Variants in PHAF1 observed in about 807,000 individuals in gnomAD.
PHAF1 encodes the protein phagophore assembly factor 1, also known as phagosome assembly factor 1.
PHAF1 carries 23 observed loss-of-function variants against 63.1 expected under a neutral mutation model. That is an observed-to-expected ratio of 0.36 (90% CI 0.26 to 0.52). The LOEUF is 0.52. PHAF1 is among the 20% of genes least tolerant of loss of function. PHAF1 has a pLI of 0.93. For synonymous variants in PHAF1, 167 were observed against 185.0 expected, an observed-to-expected ratio of 0.90 and a Z score of 0.79; for missense variants, 427 against 517.2, an observed-to-expected ratio of 0.83 and a Z score of 1.69.
intron 8 of PHAF1, among the ~76,000 whole-genome samples, chr16:67,139,426 G>T (rs1963723124): frequency 7.4e-6 from 1 of 134,834 alleles, no homozygotes; most frequent in Non-Finnish European, 1.5e-5. Context: ...TTGGCTCACT[G>T]CAACCTCTGC....
intron 1 of PHAF1, among the ~76,000 whole-genome samples, chr16:67,114,220 CA>C (rs1597180778): frequency 6.6e-6 from 1 of 151,820 alleles, no homozygotes; most frequent in African/African-American, 2.4e-5. Flanking sequence ...TGAAAATAAA[CA>C]GTGCACAGTG....
At chr16:67,119,004 G>A (rs151167182) in intron 1 of PHAF1, among the ~76,000 whole-genome samples, 21 of 151,880 alleles carry the variant, frequency 1.4e-4, no homozygotes, top group Admixed American at 3.9e-4. Flanking sequence ...TTAAATTCCT[G>A]GCCTCAGGCG....
chr16:67,141,355 G>C (rs997050993), intron 10 of PHAF1, among the ~76,000 whole-genome samples: 1 of 152,200 alleles, frequency 6.6e-6, no homozygotes, highest in Non-Finnish European at 1.5e-5. Flanking sequence ...AGGGAACAGT[G>C]CTGTTGCAGC....
At chr16:67,137,297 C>CT (rs1419141562) in intron 8 of PHAF1, among the ~76,000 whole-genome samples, 7 of 152,242 alleles carry the variant, frequency 4.6e-5, no homozygotes, top group African/African-American at 1.7e-4. Flanking sequence ...GAGTGTCATG[C>CT]TTAAGCTATG....
In PHAF1 at chr16:67,134,165, C is replaced by T; in HGVS notation, c.451-3C>T. On this transcript the variant is annotated splice_region_variant and splice_polypyrimidine_tract_variant and intron_variant, in intron 6 of 15. Coordinates refer to ENST00000219139, the MANE Select transcript of PHAF1 (RefSeq NM_025187.5). Reference sequence around the variant, plus strand: ...AAGTAAAACTCTTGACCTTTGTTTGCAGCCCAATTTTGCCCATGGCCTGGC... The same window carrying T: ...AAGTAAAACTCTTGACCTTTGTTTGTAGCCCAATTTTGCCCATGGCCTGGC... 2.5e-6 allele frequency: 4 copies of T among 1,612,746 alleles called. No individual in the cohort carries two copies. Among genetic ancestry groups the T allele is most frequent in the Non-Finnish European group, 3.4e-6 (4 of 1,178,986 alleles).
At chr16:67,127,620 C>G (rs1238218465) in intron 3 of PHAF1, among the ~76,000 whole-genome samples, 2 of 152,074 alleles carry the variant, frequency 1.3e-5, no homozygotes, top group African/African-American at 4.8e-5. Context: ...CACGGTGAAA[C>G]CCCGTCTCTA....
chr16:67,118,716 C>T (rs1160572422), intron 1 of PHAF1, among the ~76,000 whole-genome samples: 1 of 148,894 alleles, frequency 6.7e-6, no homozygotes, highest in African/African-American at 2.5e-5. Flanking sequence ...CAGTGAAATC[C>T]TTGGTAAAAT....
At chr16:67,140,885 T>G (rs1387437995) in intron 10 of PHAF1, among the ~76,000 whole-genome samples, 1 of 152,220 alleles carries the variant, frequency 6.6e-6, no homozygotes, top group Non-Finnish European at 1.5e-5. Flanking sequence ...TTAAGCTGTT[T>G]GGAGAGCTGC....
intron 1 of PHAF1, among the ~76,000 whole-genome samples, chr16:67,118,766 C>CTTTTT (rs910658530): frequency 1.6e-4 from 16 of 99,996 alleles, no homozygotes; most frequent in African/African-American, 6.8e-4. Flanking sequence ...TGATCTTAAA[C>CTTTTT]TTTTTTTTTT....
intron 10 of PHAF1, among the ~76,000 whole-genome samples, chr16:67,141,716 G>A (rs999064355): frequency 1.3e-5 from 2 of 152,208 alleles, no homozygotes; most frequent in African/African-American, 4.8e-5. Flanking sequence ...GCTAGATCAC[G>A]TGTACCGCAA....
At chr16:67,137,116 C>G (rs1321492709) in intron 8 of PHAF1, among the ~76,000 whole-genome samples, 2 of 151,900 alleles carry the variant, frequency 1.3e-5, no homozygotes, top group East Asian at 1.9e-4. Flanking sequence ...GATAGCGCCA[C>G]CGCGCTCCAG....
At chr16:67,125,784 C>T (rs1963164950) in intron 2 of PHAF1, among the ~76,000 whole-genome samples, 175 bp from the exon 3 acceptor site, 1 of 152,194 alleles carries the variant, frequency 6.6e-6, no homozygotes, top group African/African-American at 2.4e-5. Context: ...AAGTAAAAAA[C>T]ACCATATGTT....
chr16:67,120,027 C>A, intron 1 of PHAF1, 85 bp from the exon 2 acceptor site: 2 of 1,141,632 alleles, frequency 1.8e-6, no homozygotes, highest in Non-Finnish European at 2.6e-6. Flanking sequence ...CCAGGCTTTA[C>A]TGCAGGGACC....
chr16:67,139,103 G>A (rs1963708127), intron 8 of PHAF1, among the ~76,000 whole-genome samples: 1 of 151,790 alleles, frequency 6.6e-6, no homozygotes, highest in African/African-American at 2.4e-5. Context: ...ATTATATTTT[G>A]TAGAGCCAGG....
At chr16:67,119,911 C>T (rs1461977023) in intron 1 of PHAF1, among the ~76,000 whole-genome samples, 2 of 152,100 alleles carry the variant, frequency 1.3e-5, no homozygotes, top group East Asian at 3.8e-4. Context: ...GTGCACCGTC[C>T]AAGTATTCTC....
At chr16:67,129,497 G>GT (rs2145854793) in intron 3 of PHAF1, among the ~76,000 whole-genome samples, 1 of 152,340 alleles carries the variant, frequency 6.6e-6, no homozygotes, top group South Asian at 2.1e-4. Flanking sequence ...TAGGGATAGG[G>GT]TCTCTGGCCA....
chr16:67,145,657 C>T (rs2029992546), intron 14 of PHAF1, 29 bp downstream of exon 14: 1 of 1,598,508 alleles, frequency 6.3e-7, no homozygotes, highest in Admixed American at 1.8e-5. Context: ...TCCCCGGCCA[C>T]CCCACCTGAC....
chr16:67,111,094 G>A (rs1432256764), intron 1 of PHAF1, among the ~76,000 whole-genome samples: 1 of 152,138 alleles, frequency 6.6e-6, no homozygotes, highest in South Asian at 2.1e-4. Context: ...GATTACAGGC[G>A]TGAGCCACTG....
At chr16:67,141,289 A>AGT (rs1963800039) in intron 10 of PHAF1, among the ~76,000 whole-genome samples, 1 of 152,182 alleles carries the variant, frequency 6.6e-6, no homozygotes, top group Admixed American at 6.5e-5. Context: ...AGGAGCCAAG[A>AGT]GTAGTAGGGG....
Sources: allele counts gnomAD v4.1 joint callset (sites outside exome capture counted in the v4.1 genomes callset), GRCh38; gene constraint gnomAD v4.1.1; transcripts MANE v1.5; gene names NCBI Gene and HGNC (gene_info 2026-07-23, HGNC 2026-07-21).